Variants in CWC22 observed in about 807,000 individuals in gnomAD.
CWC22 encodes the protein pre-mRNA-splicing factor CWC22 homolog.
In CWC22, 53 loss-of-function variants were observed where a neutral mutation model predicts 117.2. The observed-to-expected ratio is 0.45, with a 90% confidence interval of 0.36 to 0.57. CWC22 has a LOEUF of 0.57. CWC22 is among the 20% of genes least tolerant of loss of function. CWC22 has a pLI of 0.00. For synonymous variants in CWC22, 360 were observed against 355.6 expected (o/e 1.01, Z -0.14); for missense variants, 980 against 1,068.8 (o/e 0.92, Z 1.16).
At chr2:179,954,128 T>TA in intron 16 of CWC22, 77 bp downstream of exon 16, 1 of 1,062,968 alleles carries the variant, frequency 9.4e-7, no homozygotes, top group Non-Finnish European at 1.4e-6. Flanking sequence ...ATAGGATAAA[T>TA]ATGGCTAGCT....
At chr2:179,959,170 AATC>A in intron 13 of CWC22, 88 bp from the exon 14 acceptor site, 1 of 808,418 alleles carries the variant, frequency 1.2e-6, no homozygotes, top group Non-Finnish European at 2.0e-6. Flanking sequence ...AATGGTTTTA[AATC>A]ATCTTTTTTA....
chr2:179,970,450 T>C (rs1271721805), intron 11 of CWC22, 51 bp downstream of exon 11: 9 of 1,418,734 alleles, frequency 6.3e-6, no homozygotes, highest in Non-Finnish European at 8.6e-6. Flanking sequence ...CGTAACTACT[T>C]AAATTGCTTC....
intron 11 of CWC22, among the ~76,000 whole-genome samples, chr2:179,967,993 C>T (rs978272257): frequency 6.6e-6 from 1 of 152,084 alleles, no homozygotes; most frequent in Non-Finnish European, 1.5e-5. Flanking sequence ...AACCTATATC[C>T]ATCTCTGTGA....
chr2:179,950,527 G>T lies in CWC22; in HGVS notation c.2125C>A (p.His709Asn). The T allele has an allele frequency of 6.2e-7, 1 of 1,608,482 alleles. No homozygotes were observed. The highest frequency in any genetic ancestry group is 8.5e-7 in the Non-Finnish European group (1 of 1,175,938). ...GCTTCAATACCTGAGGCAGAGCTATGACTACTGATGGATGAAGAGTCGCTC... is the reference window on the plus strand; with the variant it reads ...GCTTCAATACCTGAGGCAGAGCTATTACTACTGATGGATGAAGAGTCGCTC... ...EESDSSSISS[H>N]SSASANDVRK... The change falls in exon 19 of 20, where the codon CAT (histidine) becomes AAT (asparagine). Residue 709 changes from histidine (H) to asparagine (N), a missense_variant. Physicochemically the swap from His to Asn is moderately conservative, Grantham distance 68 (BLOSUM62 1). Coordinates refer to ENST00000410053, the MANE Select transcript of CWC22 (RefSeq NM_020943.3).
chr2:179,993,544 CTTTA>C lies in CWC22; in HGVS notation c.-113-94_-113-91del, dbSNP rs376788638. ...TTTCTATACAATGGACATTTGACCG[CTTTA>C]TTTTTCTTAATCCATAAACAAATAT... On this transcript the variant is annotated intron_variant, in intron 1 of 19. Transcript: ENST00000410053. 3.8e-4 allele frequency: 191 copies of C among 499,996 alleles called. 3 individuals are homozygous for C. Among genetic ancestry groups the C allele is most frequent in the African/African-American group, 3.3e-3 (170 of 50,988 alleles). 31.0% of individuals were successfully genotyped at this position (499,996 alleles called of 1,614,324 possible). A position where few individuals can be genotyped will look rare whatever the true frequency, so the allele number is the denominator to read the frequency against.
At position 179,970,679 on chromosome 2, in the gene CWC22, T is replaced by C. The variant is rs372427849; in HGVS notation, c.1118A>G (p.Glu373Gly). Residue 373 changes from glutamate to glycine, a missense_variant, in exon 10 of 20, where the codon GAG becomes GGG. Physicochemically the swap from Glu to Gly is moderately conservative, Grantham distance 98. Transcript: ENST00000410053. Reference protein sequence around the residue: ...DDQFTHMLPLEDDYNPEDVLN... With the variant: ...DDQFTHMLPLGDDYNPEDVLN... ...AACATCTTCTGGATTATAGTCATCC[T>C]CCAGAGGGAGCATATGAGTGAATTG... 2 of 1,613,490 alleles carry C rather than the reference T, an allele frequency of 1.2e-6. No homozygotes were observed. The highest frequency in any genetic ancestry group is 1.7e-6 in the Non-Finnish European group (2 of 1,179,680).
intron 16 of CWC22, among the ~76,000 whole-genome samples, 189 bp from the exon 17 acceptor site, chr2:179,952,787 A>G (rs1405741327): frequency 8.5e-5 from 13 of 152,134 alleles, no homozygotes; most frequent in African/African-American, 2.9e-4. Context: ...CTAACTTTCA[A>G]AATGTTAAGA....
rs748996914 is a variant in CWC22, at chr2:179,971,088, T to C, written c.805-12A>G. On this transcript the variant is annotated splice_polypyrimidine_tract_variant and intron_variant, in intron 8 of 19. Coordinates refer to ENST00000410053, the MANE Select transcript of CWC22 (RefSeq NM_020943.3). Reference sequence around the variant, plus strand: ...AATACTTCGTGTGCCTTAAATAAAATACATATACAAGGAAGAAACAAAATG... The same window carrying C: ...AATACTTCGTGTGCCTTAAATAAAACACATATACAAGGAAGAAACAAAATG... 2.0e-6 allele frequency: 3 copies of C among 1,515,050 alleles called. No homozygotes were observed. Among genetic ancestry groups the C allele is most frequent in the South Asian group, 2.6e-5 (2 of 77,628 alleles). The allele number at this position is 1,515,050 out of a possible 1,614,324, so 93.9% of individuals were successfully genotyped here.
chr2:179,973,250 A>C lies in CWC22; in HGVS notation c.751-4T>G. The C allele has an allele frequency of 6.3e-7, 1 of 1,594,446 alleles. No individual in the cohort carries two copies. The highest frequency in any genetic ancestry group is 8.6e-7 in the Non-Finnish European group (1 of 1,169,022). On this transcript the variant is annotated splice_polypyrimidine_tract_variant and splice_region_variant and intron_variant, in intron 7 of 19. Coordinates refer to ENST00000410053, the MANE Select transcript of CWC22 (RefSeq NM_020943.3). The stretch of plus-strand genomic sequence containing the variant: ...TTGAAGCAGTCAGGCAAAGTTGCTG[A>C]AAAATAAAGGTGGAAAGTTAACCTA...
rs773537436 is a variant in CWC22 at position 179,973,584 on chromosome 2, T to G, written c.750+50A>C. The G allele has an allele frequency of 8.6e-6, 10 of 1,160,824 alleles. No homozygotes were observed. The South Asian group carries it at 1.6e-4, about 19-fold the overall frequency. The allele number at this position is 1,160,824 out of a possible 1,614,324, so 71.9% of individuals were successfully genotyped here. On this transcript the variant is annotated intron_variant, in intron 7 of 19. Transcript: ENST00000410053. ...TTGCTTACTTTTGTTGATACTGGTT[T>G]GTTAGTTTGTTCCTATGTATCATTC...
intron 14 of CWC22, 55 bp from the exon 15 acceptor site, chr2:179,955,089 G>T: frequency 7.9e-7 from 1 of 1,258,958 alleles, no homozygotes; most frequent in Non-Finnish European, 1.1e-6. Flanking sequence ...ACTAAATATT[G>T]TATAATTTAC....
intron 5 of CWC22, among the ~76,000 whole-genome samples, chr2:179,981,367 GGTT>G (rs2105540636): frequency 6.6e-6 from 1 of 152,050 alleles, no homozygotes; most frequent in African/African-American, 2.4e-5. Flanking sequence ...GCTGACTCCT[GGTT>G]TACAACAGGA....
At chr2:179,989,333 C>A (rs1687502820) in intron 2 of CWC22, among the ~76,000 whole-genome samples, 1 of 151,986 alleles carries the variant, frequency 6.6e-6, no homozygotes, top group Non-Finnish European at 1.5e-5. Context: ...TCACGGCTCA[C>A]TGCAGACTCA....
At chr2:179,987,816 T>C (rs745608181) in intron 3 of CWC22, among the ~76,000 whole-genome samples, 3 of 152,242 alleles carry the variant, frequency 2.0e-5, no homozygotes, top group Non-Finnish European at 4.4e-5. Flanking sequence ...GAATTCATAA[T>C]GCACATTAAT....
chr2:179,977,044 T>C (rs932688633), intron 6 of CWC22, among the ~76,000 whole-genome samples: 1 of 152,090 alleles, frequency 6.6e-6, no homozygotes, highest in East Asian at 1.9e-4. Context: ...CGGTCCCAGC[T>C]ACTTAGGATG....
chr2:179,991,862 T>A (rs1687575717), intron 2 of CWC22, among the ~76,000 whole-genome samples: 2 of 152,132 alleles, frequency 1.3e-5, no homozygotes, highest in Non-Finnish European at 2.9e-5. Flanking sequence ...TACTGACAGA[T>A]GGAACTACCT....
At chr2:179,950,129 GTATGA>G (rs1559283689) in intron 19 of CWC22, among the ~76,000 whole-genome samples, 1 of 152,124 alleles carries the variant, frequency 6.6e-6, no homozygotes, top group Non-Finnish European at 1.5e-5. Flanking sequence ...CACAATGAAT[GTATGA>G]TATATCTCAA....
In CWC22 at chr2:179,981,821, C is replaced by G. The variant is rs538460267; in HGVS notation, c.383G>C (p.Arg128Pro). The change falls in exon 5 of 20, where the codon CGC becomes CCC. Residue 128 changes from arginine (R) to proline (P), a missense_variant. By Grantham distance (103) the Arg-to-Pro change is moderately radical. Coordinates refer to ENST00000410053, the MANE Select transcript of CWC22 (RefSeq NM_020943.3). ...AGGGGGAATATATGCTCCACCAGTG[C>G]GAGTAAGAAGAGGATCCAGCTCATC... ...KKDELDPLLTRTGGAYIPPAK... is the reference protein window; with the variant it reads ...KKDELDPLLTPTGGAYIPPAK... 9.9e-6 allele frequency: 16 copies of G among 1,613,830 alleles called. No homozygotes were observed. Among genetic ancestry groups the G allele is most frequent in the Admixed American group, 6.7e-5 (4 of 60,020 alleles).
In CWC22 at chr2:179,945,464, T is replaced by C. The variant is rs1686267942; in HGVS notation, c.2392A>G (p.Ser798Gly). ...KDVPSERNNY[S>G]RVANDRDQEM... ...TGGTCTCTGTCATTCGCAACTCTAC[T>C]GTAGTTATTTCGTTCAGAAGGAACA... The change falls in exon 20 of 20, where the codon AGT becomes GGT. Residue 798 changes from serine to glycine, a missense_variant. Ser to Gly is a moderately conservative substitution (Grantham distance 56, BLOSUM62 0). Coordinates refer to ENST00000410053, the MANE Select transcript of CWC22 (RefSeq NM_020943.3). 1.2e-6 allele frequency: 2 copies of C among 1,612,860 alleles called. No homozygotes were observed. Among genetic ancestry groups the C allele is most frequent in the Non-Finnish European group, 1.7e-6 (2 of 1,179,254 alleles).
Sources: gnomAD v4.1 joint callset for allele counts (sites outside exome capture counted in the v4.1 genomes callset) on GRCh38, gnomAD v4.1.1 for gene constraint, MANE v1.5 for transcripts, NCBI Gene and HGNC (gene_info 2026-07-23, HGNC 2026-07-21) for gene names.